The following DNTTIP2 variants were observed in gnomAD, a reference collection of about 807,000 sequenced individuals.
DNTTIP2 encodes the protein deoxynucleotidyltransferase terminal interacting protein 2.
A neutral mutation model predicts 62.4 loss-of-function variants in DNTTIP2; 47 were observed. That is an observed-to-expected ratio of 0.75 (90% confidence interval 0.60 to 0.96). DNTTIP2 has a LOEUF of 0.96. Among genes scored for constraint, DNTTIP2 ranks in the 40% least tolerant of loss-of-function variants. The probability of loss-of-function intolerance (pLI) is 0.00; values close to 1 mark genes in which losing one functional copy is unlikely to be tolerated. For missense variants in DNTTIP2, 870 were observed against 849.1 expected (o/e 1.02, Z -0.31); for synonymous variants, 322 against 300.9 (o/e 1.07, Z -0.73).
chr1:93,872,454 T>G (rs781322722), intron 4 of DNTTIP2, among the ~76,000 whole-genome samples: 38 of 152,226 alleles, frequency 2.5e-4, no homozygotes, highest in Non-Finnish European at 4.9e-4. Flanking sequence ...GTTTCATAAA[T>G]GAGGGCTCCG....
At chr1:93,875,907 GC>G in intron 2 of DNTTIP2, 124 bp from the exon 3 acceptor site, 1 of 955,976 alleles carries the variant, frequency 1.0e-6, no homozygotes, top group Non-Finnish European at 1.5e-6. Flanking sequence ...AGAAAAAAAA[GC>G]ATCTTATTTT....
rs146934269 is a variant in DNTTIP2 at position 93,866,635 on chromosome 1, G to A, written c.*3216C>T. 1 of 151,934 alleles carries A rather than the reference G, an allele frequency of 6.6e-6. No homozygotes were observed. Among genetic ancestry groups the A allele is most frequent in the Non-Finnish European group, 1.5e-5 (1 of 67,982 alleles). The allele number at this position is 151,934 out of a possible 1,614,324, so 9.4% of individuals were successfully genotyped here. ...AGGTTTTGTTGAACTTTTTTATATA[G>A]CCTCCCCACTCCCCACTCCTTTTGT... is the stretch of plus-strand genomic sequence containing the variant. On this transcript the variant is annotated 3_prime_UTR_variant, in exon 7 of 7. Transcript: ENST00000436063.
chr1:93,877,574 T>C lies in DNTTIP2; in HGVS notation c.361A>G (p.Ser121Gly), dbSNP rs575253282. 2.8e-5 allele frequency: 46 copies of C among 1,614,042 alleles called. No individual in the cohort carries two copies. The South Asian group carries it at 4.5e-4, about 16-fold the overall frequency. The change falls in exon 2 of 7, where the codon AGT (serine) becomes GGT (glycine). Residue 121 changes from serine (S) to glycine (G), a missense_variant. Transcript: ENST00000436063. ...GTTACTTTCGGCTTTTTCCTAACAC[T>C]GGACACTGGGGAGCATGCAATTAAG... is the stretch of plus-strand genomic sequence containing the variant. ...QILIACSPVS[S>G]VRKKPKVTPT...
chr1:93,871,455 A>G (rs1655860721), intron 5 of DNTTIP2, among the ~76,000 whole-genome samples: 1 of 151,854 alleles, frequency 6.6e-6, no homozygotes, highest in Admixed American at 6.5e-5. Flanking sequence ...TTTAGCTTGA[A>G]TTTGTATGGG....
In DNTTIP2 at chr1:93,868,835, C is replaced by T. The variant is rs1275594440; in HGVS notation, c.*1016G>A. 6.6e-6 allele frequency: 1 copy of T among 152,012 alleles called. No homozygotes were observed. The highest frequency in any genetic ancestry group is 2.4e-5 in the African/African-American group (1 of 41,370). The allele number at this position is 152,012 out of a possible 1,614,324, so 9.4% of individuals were successfully genotyped here. A position where few individuals can be genotyped will look rare whatever the true frequency, so the allele number is the denominator to read the frequency against. ...CATGGACACAGGGAGGGGAACATCA[C>T]ACACTGGGGCCTGTTGTGGGTGGGG... On this transcript the variant is annotated 3_prime_UTR_variant, in exon 7 of 7. Coordinates refer to ENST00000436063, the MANE Select transcript of DNTTIP2 (RefSeq NM_014597.5).
chr1:93,867,106 C>A lies in DNTTIP2; in HGVS notation c.*2745G>T, dbSNP rs926070705. On this transcript the variant is annotated 3_prime_UTR_variant, in exon 7 of 7. Coordinates refer to ENST00000436063, the MANE Select transcript of DNTTIP2 (RefSeq NM_014597.5). ...GCAGTGAACCAAGATCATGCCACTA[C>A]ACTCCAGCCTGGGCGACAGAGCGAG... 1.4e-5 allele frequency: 2 copies of A among 144,064 alleles called. No individual in the cohort carries two copies. The highest frequency in any genetic ancestry group is 5.2e-5 in the African/African-American group (2 of 38,732). 8.9% of individuals were successfully genotyped at this position (144,064 alleles called of 1,614,324 possible). A position where few individuals can be genotyped will look rare whatever the true frequency, so the allele number is the denominator to read the frequency against.
At chr1:93,877,904 G>A in intron 1 of DNTTIP2, 42 bp from the exon 2 acceptor site, 1 of 1,563,996 alleles carries the variant, frequency 6.4e-7, no homozygotes, top group Non-Finnish European at 8.6e-7. Context: ...GGTAGGGCTG[G>A]AACAAGGGCA....
In DNTTIP2 at chr1:93,876,710, T is replaced by G; in HGVS notation, c.1225A>C (p.Ser409Arg). The change falls in exon 2 of 7, where the codon AGT becomes CGT. Residue 409 changes from serine (S) to arginine (R), a missense_variant. By Grantham distance (110) the Ser-to-Arg change is moderately radical. Transcript: ENST00000436063. The stretch of plus-strand genomic sequence containing the variant: ...TTCCCTTCACTGTTCATGTCTTCAC[T>G]GACACTTATAACTGTGGACTCTTCT... Reference protein sequence around the residue: ...DEEESTVISVSEDMNSEGNVD... With the variant: ...DEEESTVISVREDMNSEGNVD... 1 of 1,614,016 alleles carries G rather than the reference T, an allele frequency of 6.2e-7. No homozygotes were observed. The highest frequency in any genetic ancestry group is 8.5e-7 in the Non-Finnish European group (1 of 1,179,880).
At position 93,870,777 on chromosome 1, in the gene DNTTIP2, C is replaced by T; in HGVS notation, c.2083G>A (p.Asp695Asn). The stretch of plus-strand genomic sequence containing the variant: ...GAATGGTAGAAATCAGCTGGATTGT[C>T]AACAATGGTTCCAATCTGTGAACAA... Reference protein sequence around the residue: ...PKYFQIGTIVDNPADFYHSRI... With the variant: ...PKYFQIGTIVNNPADFYHSRI... The change falls in exon 6 of 7, where the codon GAC (aspartate) becomes AAC (asparagine). Residue 695 changes from aspartate to asparagine, a missense_variant. By Grantham distance (23) the Asp-to-Asn change is conservative. Transcript: ENST00000436063. The T allele has an allele frequency of 1.3e-6, 2 of 1,555,704 alleles. No homozygotes were observed. Among genetic ancestry groups the T allele is most frequent in the Non-Finnish European group, 1.7e-6 (2 of 1,146,618 alleles).
At chr1:93,873,420 T>A (rs1571183535) in intron 3 of DNTTIP2, 3 of 323,426 alleles carry the variant, frequency 9.3e-6, no homozygotes, top group African/African-American at 2.9e-5. Flanking sequence ...AGCAAGACCC[T>A]GACTGTAAAA....
At chr1:93,874,514 T>G (rs1655948343) in intron 3 of DNTTIP2, among the ~76,000 whole-genome samples, 1 of 152,226 alleles carries the variant, frequency 6.6e-6, no homozygotes, top group African/African-American at 2.4e-5. Flanking sequence ...TCAATTATTT[T>G]GCACTTGCTT....
chr1:93,879,041 G>A (rs1415744484), intron 1 of DNTTIP2, 36 bp downstream of exon 1: 3 of 1,610,786 alleles, frequency 1.9e-6, no homozygotes, highest in Non-Finnish European at 2.5e-6. Flanking sequence ...GCGGCTCTGC[G>A]AAGCGGCGAG....
At position 93,866,457 on chromosome 1, in the gene DNTTIP2, T is replaced by C. The variant is rs943193591; in HGVS notation, c.*3394A>G. 6.6e-6 allele frequency: 1 copy of C among 152,216 alleles called. No homozygotes were observed. The highest frequency in any genetic ancestry group is 2.4e-5 in the African/African-American group (1 of 41,446). The allele number at this position is 152,216 out of a possible 1,614,324, so 9.4% of individuals were successfully genotyped here. A position where few individuals can be genotyped will look rare whatever the true frequency, so the allele number is the denominator to read the frequency against. Reference sequence around the variant, plus strand: ...GCATTTTTCAATGGTTTGGGATCTATTGTAGGTAATTATTCTGAACAAGTT... The same window carrying C: ...GCATTTTTCAATGGTTTGGGATCTACTGTAGGTAATTATTCTGAACAAGTT... On this transcript the variant is annotated 3_prime_UTR_variant, in exon 7 of 7. Coordinates refer to ENST00000436063, the MANE Select transcript of DNTTIP2 (RefSeq NM_014597.5).
chr1:93,870,083 G>C (rs1655818793), intron 6 of DNTTIP2, 139 bp from the exon 7 acceptor site: 1 of 562,764 alleles, frequency 1.8e-6, no homozygotes, highest in African/African-American at 2.0e-5. Flanking sequence ...TTGCAATCTA[G>C]GGAGAAAAAA....
Position 93,873,227 on chromosome 1 carries a change from A to C in DNTTIP2, c.1807-13T>G. ...CTTTCTGCAGAAGCTATAAAAACATAAAATTGGTTTTAAAATAATGTCAGA... is the reference window on the plus strand; with the variant it reads ...CTTTCTGCAGAAGCTATAAAAACATCAAATTGGTTTTAAAATAATGTCAGA... On this transcript the variant is annotated splice_polypyrimidine_tract_variant and intron_variant, in intron 3 of 6. Coordinates refer to ENST00000436063, the MANE Select transcript of DNTTIP2 (RefSeq NM_014597.5). 1 of 1,580,644 alleles carries C rather than the reference A, an allele frequency of 6.3e-7. No homozygotes were observed.
intron 1 of DNTTIP2, chr1:93,878,768 C>A (rs1341974671): frequency 7.8e-6 from 2 of 256,478 alleles, no homozygotes; most frequent in South Asian, 9.4e-5. Flanking sequence ...CCGAAATTAA[C>A]CCTCCTTGGT....
intron 5 of DNTTIP2, among the ~76,000 whole-genome samples, chr1:93,871,233 A>C (rs1327422453): frequency 6.6e-6 from 1 of 152,220 alleles, no homozygotes; most frequent in Non-Finnish European, 1.5e-5. Context: ...ATTTACAGTG[A>C]TCACTATGCA....
chr1:93,872,694 C>T (rs529340376), intron 4 of DNTTIP2, among the ~76,000 whole-genome samples: 129 of 152,220 alleles, frequency 8.5e-4, no homozygotes, highest in Admixed American at 1.8e-3. Context: ...AAACAAAATA[C>T]TATTCTTTAG....
In DNTTIP2 at chr1:93,877,875, G is replaced by A; in HGVS notation, c.73-13C>T. The A allele has an allele frequency of 1.9e-6, 3 of 1,594,728 alleles. No homozygotes were observed. The highest frequency in any genetic ancestry group is 1.7e-6 in the Non-Finnish European group (2 of 1,177,166). On this transcript the variant is annotated splice_polypyrimidine_tract_variant and intron_variant, in intron 1 of 6. Coordinates refer to ENST00000436063, the MANE Select transcript of DNTTIP2 (RefSeq NM_014597.5). ...TAGCAGCAAAACTCTGCAAACCAGA[G>A]AAAACACACTGTAATTTAGGTAGGG...
Sources: gnomAD v4.1 joint callset for allele counts (sites outside exome capture counted in the v4.1 genomes callset) on GRCh38, gnomAD v4.1.1 for gene constraint, MANE v1.5 for transcripts, NCBI Gene and HGNC (gene_info 2026-07-23, HGNC 2026-07-21) for gene names.